The following FBN1 variants were observed in gnomAD, a reference collection of about 807,000 sequenced individuals.
FBN1 encodes fibrillin 1.
Under a neutral mutation model 365.1 loss-of-function variants are expected in FBN1, and 29 were observed. The observed-to-expected ratio is 0.08, with a 90% CI of 0.06 to 0.11. The LOEUF is 0.11. FBN1 is among the 10% of genes least tolerant of loss of function. The pLI, the probability that FBN1 is intolerant of heterozygous loss-of-function variation, is 1.00. For synonymous variants in FBN1, 1,210 were observed against 1,270.5 expected, an observed-to-expected ratio of 0.95 and a Z score of 1.01; for missense variants, 2,476 against 3,703.2, an observed-to-expected ratio of 0.67 and a Z score of 8.60.
Position 48,463,252 on chromosome 15 carries a change from G to T in FBN1, c.5066-12C>A, listed in dbSNP as rs531105331. Reference sequence around the variant, plus strand: ...ACTTCTTCTCATATCTAGAAGGGAGGTAAAAAAAAGGATTGGAGGGTTGGT... The same window carrying T: ...ACTTCTTCTCATATCTAGAAGGGAGTTAAAAAAAAGGATTGGAGGGTTGGT... On this transcript the variant is annotated splice_polypyrimidine_tract_variant and intron_variant, in intron 41 of 65. Transcript: ENST00000316623. 33 of 1,612,512 alleles carry T rather than the reference G, an allele frequency of 2.0e-5. No homozygotes were observed. The East Asian group carries it at 6.9e-4, about 34-fold the overall frequency.
intron 60 of FBN1, among the ~76,000 whole-genome samples, 184 bp downstream of exon 60, chr15:48,425,185 T>A (rs992952531): frequency 1.3e-5 from 2 of 152,024 alleles, no homozygotes; most frequent in African/African-American, 4.8e-5. Context: ...TCCTCCACAA[T>A]CTCCCTGGCT....
intron 13 of FBN1, among the ~76,000 whole-genome samples, chr15:48,511,980 A>T (rs575979785): frequency 6.6e-6 from 1 of 152,338 alleles, no homozygotes; most frequent in South Asian, 2.1e-4. Flanking sequence ...TAATTATATT[A>T]AACAATAGTC....
At chr15:48,425,978 A>G (rs1285322256) in intron 58 of FBN1, 114 bp from the exon 59 acceptor site, 2 of 824,888 alleles carry the variant, frequency 2.4e-6, no homozygotes, top group Non-Finnish European at 4.0e-6. Context: ...TTTTGGGCCT[A>G]AGAAATTAAA....
chr15:48,530,512 G>A (rs977540008), intron 8 of FBN1, among the ~76,000 whole-genome samples: 2 of 152,024 alleles, frequency 1.3e-5, no homozygotes, highest in Non-Finnish European at 2.9e-5. Flanking sequence ...TCAAGGACGG[G>A]AGCCAGGCCT....
At chr15:48,547,721 T>TCACACA (rs57915350) in intron 6 of FBN1, among the ~76,000 whole-genome samples, 379 of 131,202 alleles carry the variant, frequency 2.9e-3, no homozygotes, top group East Asian at 5.3e-3. Context: ...CTTCTCTCTT[T>TCACACA]CACACACACA....
At chr15:48,443,160 G>A (rs964664646) in intron 49 of FBN1, among the ~76,000 whole-genome samples, 6 of 152,124 alleles carry the variant, frequency 3.9e-5, no homozygotes, top group African/African-American at 1.4e-4. Flanking sequence ...ATTTATACCT[G>A]TGTTATGTTC....
intron 2 of FBN1, among the ~76,000 whole-genome samples, chr15:48,637,199 C>T (rs1566943440): frequency 6.6e-6 from 1 of 152,130 alleles, no homozygotes; most frequent in East Asian, 1.9e-4. Context: ...CACTGTGACT[C>T]CTATATTAGC....
intron 7 of FBN1, among the ~76,000 whole-genome samples, chr15:48,536,003 C>A (rs1175476865): frequency 1.3e-5 from 2 of 152,112 alleles, no homozygotes; most frequent in Non-Finnish European, 2.9e-5. Context: ...GGTCTGAAGA[C>A]AGAATAAGCT....
At chr15:48,547,435 T>C (rs776703508) in intron 6 of FBN1, among the ~76,000 whole-genome samples, 2 of 152,150 alleles carry the variant, frequency 1.3e-5, no homozygotes, top group Non-Finnish European at 2.9e-5. Context: ...CCTGAGTTCA[T>C]TCTACAGGAA....
chr15:48,616,914 A>G (rs1889664943), intron 2 of FBN1, among the ~76,000 whole-genome samples: 1 of 152,258 alleles, frequency 6.6e-6, no homozygotes, highest in African/African-American at 2.4e-5. Context: ...AACACTAAAA[A>G]AAAAACTATG....
chr15:48,487,299 T>C lies in FBN1; in HGVS notation c.3463+13A>G. 1 of 1,614,180 alleles carries C rather than the reference T, an allele frequency of 6.2e-7. No individual in the cohort carries two copies. Among genetic ancestry groups the C allele is most frequent in the Non-Finnish European group, 8.5e-7 (1 of 1,180,034 alleles). On this transcript the variant is annotated intron_variant, in intron 28 of 65. Transcript: ENST00000316623. ...TGACCACAAGTAAATGGTGTGAAAGTCTTTCTCCTTACCGATACACGCGGA... is the reference window on the plus strand; with the variant it reads ...TGACCACAAGTAAATGGTGTGAAAGCCTTTCTCCTTACCGATACACGCGGA...
intron 38 of FBN1, among the ~76,000 whole-genome samples, chr15:48,466,409 A>G (rs1033739453): frequency 2.0e-5 from 3 of 152,166 alleles, no homozygotes; most frequent in African/African-American, 7.2e-5. Flanking sequence ...GTTTCCAAAA[A>G]CAACTTTCTA....
intron 58 of FBN1, among the ~76,000 whole-genome samples, chr15:48,426,135 T>C (rs751471384): frequency 1.2e-4 from 18 of 152,190 alleles, no homozygotes; most frequent in Non-Finnish European, 2.4e-4. Flanking sequence ...TATTTTTCTC[T>C]TCTGGATCCA....
chr15:48,515,323 C>A (rs2043791084), intron 12 of FBN1, 64 bp downstream of exon 12: 2 of 1,591,194 alleles, frequency 1.3e-6, no homozygotes. Flanking sequence ...CAATAGAAAA[C>A]CAGTAGAGTC....
At chr15:48,421,442 C>T (rs937128804) in intron 62 of FBN1, 116 bp downstream of exon 62, 21 of 1,260,640 alleles carry the variant, frequency 1.7e-5, no homozygotes, top group East Asian at 1.0e-4. Flanking sequence ...TAGCTGAGTG[C>T]CCCCCTGGGC....
rs78724674 is a variant in FBN1, at chr15:48,546,141, C to T, written c.539-8333G>A. Among the ~76,000 whole-genome samples the T allele has an allele frequency of 6.5e-3, 982 of 152,234 alleles. 11 individuals are homozygous for T. Among genetic ancestry groups the T allele is most frequent in the African/African-American group, 0.022 (930 of 41,548 alleles). ...GAATCATGGGTTTCCTTAATGCATT[C>T]GACAAATACTTATTGAGCCACAACC... On this transcript the variant is annotated intron_variant, in intron 6 of 65. Transcript: ENST00000316623.
chr15:48,584,904 A>G (rs919421506), intron 6 of FBN1, among the ~76,000 whole-genome samples: 3 of 152,178 alleles, frequency 2.0e-5, no homozygotes, highest in Admixed American at 1.3e-4. Flanking sequence ...AAGTTCCAAA[A>G]TTTTCTCCAG....
chr15:48,544,499 C>A (rs1383220367), intron 6 of FBN1, among the ~76,000 whole-genome samples: 2 of 152,156 alleles, frequency 1.3e-5, no homozygotes, highest in Non-Finnish European at 2.9e-5. Context: ...TTTCTTTATT[C>A]CATAAATGAA....
chr15:48,481,714 G>A lies in FBN1; in HGVS notation c.3905C>T (p.Ser1302Leu), dbSNP rs777932343. 1 of 1,613,654 alleles carries A rather than the reference G, an allele frequency of 6.2e-7. No homozygotes were observed. Among genetic ancestry groups the A allele is most frequent in the Non-Finnish European group, 8.5e-7 (1 of 1,179,736 alleles). Residue 1302 changes from serine to leucine, a missense_variant, in exon 32 of 66, where the codon TCA becomes TTA. Physicochemically the swap from Ser to Leu is moderately radical, Grantham distance 145. Around this residue, in one of 5 missense-constraint regions of FBN1, gnomAD observed 1,780 missense variants for 2,840.8 expected, o/e 0.63. Transcript: ENST00000316623. ...LSGTCENTKG[S>L]FICHCDMGYS... ...GCCCATATCACAGTGGCAGATAAAT[G>A]AGCCTTTCGTGTTTTCACAGGTCCC... is the stretch of plus-strand genomic sequence containing the variant.
Sources: gnomAD v4.1 joint callset for allele counts (sites outside exome capture counted in the v4.1 genomes callset) on GRCh38, gnomAD v4.1.1 for gene constraint, gnomAD v4.1.1 regional missense constraint, MANE v1.5 for transcripts, NCBI Gene and HGNC (gene_info 2026-07-23, HGNC 2026-07-21) for gene names.